The following PCDH9 variants were observed in gnomAD, a reference collection of about 807,000 sequenced individuals.
PCDH9 encodes protocadherin-9.
A neutral mutation model predicts 70.6 loss-of-function variants in PCDH9; 24 were observed. The ratio of observed to expected loss-of-function variants is 0.34; its 90% CI spans 0.25 to 0.48. The LOEUF (loss-of-function observed/expected upper bound fraction) is 0.48, where lower values mean the gene tolerates loss of function less well. PCDH9 is among the 20% of genes least tolerant of loss of function. The pLI is 0.99. For missense variants in PCDH9, 1,281 were observed against 1,503.6 expected, an observed-to-expected ratio of 0.85 and a Z score of 2.45; for synonymous variants, 562 against 558.5, an observed-to-expected ratio of 1.01 and a Z score of -0.09.
At chr13:67,214,767 C>T (rs947940432) in intron 2 of PCDH9, 27 of 150,998 alleles carry the variant, frequency 1.8e-4, no homozygotes, top group African/African-American at 6.3e-4. Flanking sequence ...ACAGGTGAGT[C>T]GTGAAAAAGA....
intron 3 of PCDH9, among the ~76,000 whole-genome samples, chr13:66,746,795 T>C (rs1396318260): frequency 6.6e-6 from 1 of 152,136 alleles, no homozygotes. Flanking sequence ...AGATTAAATT[T>C]TTTTTCATTA....
chr13:66,455,943 A>G (rs1788811923), intron 4 of PCDH9, among the ~76,000 whole-genome samples: 1 of 152,162 alleles, frequency 6.6e-6, no homozygotes, highest in South Asian at 2.1e-4. Context: ...AAACGTCAGA[A>G]GAATCTGCAC....
chr13:67,034,150 A>C (rs2084962389), intron 2 of PCDH9, among the ~76,000 whole-genome samples: 1 of 151,850 alleles, frequency 6.6e-6, no homozygotes, highest in Non-Finnish European at 1.5e-5. Context: ...ACACCTGGCT[A>C]ATTTTTGTAT....
At chr13:67,229,657 A>C (rs1451921591) in intron 1 of PCDH9, 123 bp downstream of exon 1, 1 of 152,266 alleles carries the variant, frequency 6.6e-6, no homozygotes, top group Admixed American at 6.5e-5. Flanking sequence ...GTAGGGATGC[A>C]GATACAGCCG....
Position 66,302,865 on chromosome 13 carries a change from G to A in PCDH9, c.*1790C>T. 1 of 152,594 alleles carries A rather than the reference G, an allele frequency of 6.6e-6. No homozygotes were observed. The allele number at this position is 152,594 out of a possible 1,614,324, so 9.5% of individuals were successfully genotyped here. A position where few individuals can be genotyped will look rare whatever the true frequency, so the allele number is the denominator to read the frequency against. ...ATTCAGAACATTTATTGCAAGAGCTGAATAATTGTAAATAACGTAGAACTG... is the reference window on the plus strand; with the variant it reads ...ATTCAGAACATTTATTGCAAGAGCTAAATAATTGTAAATAACGTAGAACTG... On this transcript the variant is annotated 3_prime_UTR_variant, in exon 5 of 5. Transcript: ENST00000377865.
intron 2 of PCDH9, chr13:67,210,687 G>A (rs1332926963): frequency 6.6e-6 from 1 of 151,962 alleles, no homozygotes; most frequent in Non-Finnish European, 1.5e-5. Context: ...TTCTCAAGAT[G>A]CTAAGTGTAA....
intron 2 of PCDH9, among the ~76,000 whole-genome samples, chr13:67,125,244 T>G: frequency 6.6e-6 from 1 of 152,206 alleles, no homozygotes; most frequent in East Asian, 1.9e-4. Context: ...GATGTGAATT[T>G]TGATCTGTGG....
intron 3 of PCDH9, among the ~76,000 whole-genome samples, chr13:66,762,075 G>T (rs1373251065): frequency 6.6e-6 from 1 of 152,132 alleles, no homozygotes; most frequent in South Asian, 2.1e-4. Context: ...GTTTGGTGTG[G>T]TCCCTAAGCC....
intron 2 of PCDH9, among the ~76,000 whole-genome samples, chr13:67,057,749 T>C (rs1205874411): frequency 6.6e-6 from 1 of 152,088 alleles, no homozygotes; most frequent in Non-Finnish European, 1.5e-5. Context: ...AAAATAGACA[T>C]GATACTTAGC....
chr13:66,491,507 C>T (rs1358476038), intron 4 of PCDH9, among the ~76,000 whole-genome samples: 3 of 151,300 alleles, frequency 2.0e-5, no homozygotes, highest in Non-Finnish European at 1.5e-5. Flanking sequence ...CATATTAGAG[C>T]GTTAAGTGAC....
intron 4 of PCDH9, among the ~76,000 whole-genome samples, chr13:66,432,833 T>C (rs1184801420): frequency 6.6e-6 from 1 of 152,006 alleles, no homozygotes; most frequent in Non-Finnish European, 1.5e-5. Context: ...TTAGTCTAAG[T>C]CATTATTTAC....
intron 2 of PCDH9, chr13:67,216,582 T>C (rs1049049504): frequency 6.7e-6 from 1 of 150,290 alleles, no homozygotes; most frequent in African/African-American, 2.4e-5. Flanking sequence ...GGAAAATATA[T>C]TATCTGAGAC....
chr13:67,186,102 A>T (rs1188481830), intron 2 of PCDH9, among the ~76,000 whole-genome samples: 1 of 152,100 alleles, frequency 6.6e-6, no homozygotes, highest in Non-Finnish European at 1.5e-5. Context: ...AAATATTTAT[A>T]TATATAAATA....
In PCDH9 at chr13:66,304,260, C is replaced by CAAAAAAAAAA. The variant is rs55837718; in HGVS notation, c.*385_*394dup. ...TAGCAGTCCCAGCACAAATCAATGA[C>CAAAAAAAAAA]AAAAAAAAAAAAAAAAAAAAAAAAA... is the stretch of plus-strand genomic sequence containing the variant. On this transcript the variant is annotated 3_prime_UTR_variant, in exon 5 of 5. Transcript: ENST00000377865. The CAAAAAAAAAA allele has an allele frequency of 9.2e-5, 6 of 65,320 alleles. No individual in the cohort carries two copies. The highest frequency in any genetic ancestry group is 2.3e-4 in the Admixed American group (1 of 4,434). 4.0% of individuals were successfully genotyped at this position (65,320 alleles called of 1,614,324 possible).
chr13:66,441,653 A>G (rs1026667413), intron 4 of PCDH9, among the ~76,000 whole-genome samples: 1 of 152,056 alleles, frequency 6.6e-6, no homozygotes, highest in Non-Finnish European at 1.5e-5. Context: ...TACAATAAAA[A>G]CATTCAGGAC....
chr13:66,794,990 C>CACACACAT (rs747804051), intron 3 of PCDH9, among the ~76,000 whole-genome samples: 2 of 151,680 alleles, frequency 1.3e-5, no homozygotes, highest in African/African-American at 2.4e-5. Flanking sequence ...CACACACACA[C>CACACACAT]ACACACACAC....
At chr13:66,891,482 A>C (rs915866717) in intron 3 of PCDH9, among the ~76,000 whole-genome samples, 8 of 152,118 alleles carry the variant, frequency 5.3e-5, no homozygotes, top group Non-Finnish European at 7.4e-5. Flanking sequence ...CTTAAAACTA[A>C]ATAGTAATAT....
intron 2 of PCDH9, among the ~76,000 whole-genome samples, chr13:66,965,775 A>T (rs187293990): frequency 6.6e-6 from 1 of 152,182 alleles, no homozygotes; most frequent in East Asian, 1.9e-4. Flanking sequence ...TACCATATTA[A>T]TAGAATAAGT....
chr13:66,614,844 C>A (rs574463104), intron 4 of PCDH9, among the ~76,000 whole-genome samples: 1 of 152,158 alleles, frequency 6.6e-6, no homozygotes, highest in Non-Finnish European at 1.5e-5. Flanking sequence ...TATAACCTGA[C>A]GCGTCCACCC....
Sources: allele counts gnomAD v4.1 joint callset (sites outside exome capture counted in the v4.1 genomes callset), GRCh38; gene constraint gnomAD v4.1.1; transcripts MANE v1.5; gene names NCBI Gene and HGNC (gene_info 2026-07-23, HGNC 2026-07-21).